The following CACNA1C variants were observed in gnomAD, a reference collection of about 807,000 sequenced individuals.
CACNA1C encodes voltage-dependent L-type calcium channel subunit alpha-1C.
In CACNA1C, 30 loss-of-function variants were observed where a neutral mutation model predicts 229.0. The observed-to-expected ratio is 0.13, with a 90% CI of 0.10 to 0.18. The LOEUF is 0.18. Ranked by LOEUF, CACNA1C falls within the 10% of genes least tolerant of loss-of-function variation. CACNA1C has a pLI of 1.00. For missense variants in CACNA1C, 1,658 were observed against 2,845.0 expected (o/e 0.58, Z 9.49); for synonymous variants, 1,114 against 1,132.5 (o/e 0.98, Z 0.33).
chr12:2,500,296 C>G (rs2099756451), intron 7 of CACNA1C, among the ~76,000 whole-genome samples: 1 of 152,272 alleles, frequency 6.6e-6, no homozygotes, highest in South Asian at 2.1e-4. Context: ...CTGTAGCTCC[C>G]CCTTTGAAGT....
intron 3 of CACNA1C, among the ~76,000 whole-genome samples, chr12:2,393,869 G>C (rs2098528607): frequency 6.6e-6 from 1 of 152,162 alleles, no homozygotes; most frequent in Non-Finnish European, 1.5e-5. Context: ...ACTTTGGGAG[G>C]CTAAGGTGGG....
At chr12:2,574,417 G>T (rs1045522127) in intron 13 of CACNA1C, among the ~76,000 whole-genome samples, 1 of 152,168 alleles carries the variant, frequency 6.6e-6, no homozygotes, top group South Asian at 2.1e-4. Context: ...TCTCATTTTT[G>T]ACACACTTGG....
chr12:2,004,276 A>G, intron 1 of CACNA1C: 1 of 1,612,910 alleles, frequency 6.2e-7, no homozygotes. Context: ...CCGCGTCCGC[A>G]CGCACCCACT....
intron 3 of CACNA1C, among the ~76,000 whole-genome samples, chr12:2,364,283 T>C (rs1594219286): frequency 6.6e-6 from 1 of 152,040 alleles, no homozygotes. Flanking sequence ...ATAGGGAAAA[T>C]GCAATTTTTA....
chr12:2,598,566 A>G (rs549728630), intron 21 of CACNA1C, among the ~76,000 whole-genome samples: 65 of 152,216 alleles, frequency 4.3e-4, no homozygotes, highest in African/African-American at 1.5e-3. Flanking sequence ...TTCCTGGGAG[A>G]CTAGCCTGGG....
intron 43 of CACNA1C, 51 bp downstream of exon 43, chr12:2,682,729 T>C: frequency 6.3e-7 from 1 of 1,578,918 alleles, no homozygotes. Flanking sequence ...GGAACAAATG[T>C]GGGGAGGCAG....
intron 1 of CACNA1C, among the ~76,000 whole-genome samples, chr12:2,039,396 T>C: frequency 6.6e-6 from 1 of 152,226 alleles, no homozygotes; most frequent in East Asian, 1.9e-4. Context: ...GCCTGTAATA[T>C]GCCTGAAATT....
intron 1 of CACNA1C, among the ~76,000 whole-genome samples, chr12:2,041,059 A>G (rs1315188429): frequency 6.6e-6 from 1 of 152,326 alleles, no homozygotes; most frequent in South Asian, 2.1e-4. Context: ...GCCAGAACTG[A>G]AAGTATTTCT....
intron 4 of CACNA1C, among the ~76,000 whole-genome samples, chr12:2,453,562 C>T (rs1411706174): frequency 6.6e-6 from 1 of 152,140 alleles, no homozygotes; most frequent in Admixed American, 6.5e-5. Context: ...CCCTATTTTT[C>T]TTGGTTGCCA....
At chr12:2,554,235 G>A (rs1448099678) in intron 10 of CACNA1C, among the ~76,000 whole-genome samples, 4 of 152,176 alleles carry the variant, frequency 2.6e-5, no homozygotes, top group African/African-American at 7.2e-5. Flanking sequence ...TGAAAAGCAC[G>A]AAGGAAAATC....
intron 3 of CACNA1C, among the ~76,000 whole-genome samples, chr12:2,310,921 C>T (rs564246163): frequency 2.0e-5 from 3 of 152,308 alleles, no homozygotes; most frequent in South Asian, 2.1e-4. Flanking sequence ...ACAGCCCCTA[C>T]GTTCAGCAGA....
intron 3 of CACNA1C, among the ~76,000 whole-genome samples, chr12:2,430,235 A>G (rs187694143): frequency 2.6e-4 from 40 of 152,244 alleles, no homozygotes; most frequent in Admixed American, 1.2e-3. Context: ...GGGGGTTAGG[A>G]TTTCAACATA....
intron 1 of CACNA1C, among the ~76,000 whole-genome samples, chr12:2,039,558 C>T (rs1038378023): frequency 3.9e-5 from 6 of 152,316 alleles, no homozygotes; most frequent in South Asian, 4.1e-4. Context: ...AGTACAACAT[C>T]GTTCTTGCCC....
At chr12:2,461,785 C>A (rs778689909) in intron 5 of CACNA1C, among the ~76,000 whole-genome samples, 7 of 152,302 alleles carry the variant, frequency 4.6e-5, no homozygotes, top group Non-Finnish European at 1.0e-4. Context: ...GCTTTACCTT[C>A]CAAACATGTC....
chr12:2,501,044 T>TA (rs3058714), intron 7 of CACNA1C, among the ~76,000 whole-genome samples: 170 of 139,768 alleles, frequency 1.2e-3, no homozygotes, highest in Middle Eastern at 3.6e-3. Flanking sequence ...GTCTCTACTT[T>TA]AAAAAAAAAA....
At chr12:2,097,725 A>C (rs1392248860) in intron 1 of CACNA1C, among the ~76,000 whole-genome samples, 1 of 152,112 alleles carries the variant, frequency 6.6e-6, no homozygotes, top group Non-Finnish European at 1.5e-5. Flanking sequence ...GCACAGGTAG[A>C]TTGGAGGCAG....
At chr12:2,126,995 T>C (rs1007391698) in intron 3 of CACNA1C, among the ~76,000 whole-genome samples, 2 of 152,198 alleles carry the variant, frequency 1.3e-5, no homozygotes, top group African/African-American at 4.8e-5. Context: ...TTGGCAGCTG[T>C]GACCCAGCAA....
intron 3 of CACNA1C, among the ~76,000 whole-genome samples, chr12:2,324,218 G>A (rs890977361): frequency 6.6e-6 from 1 of 152,144 alleles, no homozygotes; most frequent in African/African-American, 2.4e-5. Flanking sequence ...CGGGGGATGG[G>A]GCTGACACCT....
At chr12:2,175,051 C>G (rs1235276429) in intron 3 of CACNA1C, among the ~76,000 whole-genome samples, 1 of 152,048 alleles carries the variant, frequency 6.6e-6, no homozygotes, top group African/African-American at 2.4e-5. Context: ...GCTGTTCAAA[C>G]CTGTGTTGTT....
Sources: allele counts gnomAD v4.1 joint callset (sites outside exome capture counted in the v4.1 genomes callset), GRCh38; gene constraint gnomAD v4.1.1; transcripts MANE v1.5; gene names NCBI Gene and HGNC (gene_info 2026-07-23, HGNC 2026-07-21).